Variants in P4HA1 observed in about 807,000 individuals in gnomAD.
P4HA1 encodes prolyl 4-hydroxylase subunit alpha 1.
A neutral mutation model predicts 72.8 loss-of-function variants in P4HA1; 24 were observed. That is an observed-to-expected ratio of 0.33 (90% CI 0.24 to 0.46). The LOEUF (loss-of-function observed/expected upper bound fraction) is 0.46. Among genes scored for constraint, P4HA1 ranks in the 20% least tolerant of loss-of-function variants. The pLI, the probability that P4HA1 is intolerant of heterozygous loss-of-function variation, is 1.00. For missense variants in P4HA1, 446 were observed against 640.6 expected, an observed-to-expected ratio of 0.70 and a Z score of 3.28; for synonymous variants, 201 against 218.8, an observed-to-expected ratio of 0.92 and a Z score of 0.72.
chr10:73,075,751 GTGTGTGTGTA>G (rs1841683921), intron 1 of P4HA1, among the ~76,000 whole-genome samples: 1 of 151,436 alleles, frequency 6.6e-6, no homozygotes, highest in Non-Finnish European at 1.5e-5. Flanking sequence ...TAGTGTGTGT[GTGTGTGTGTA>G]TGTGTGTATG....
intron 7 of P4HA1, among the ~76,000 whole-genome samples, chr10:73,050,220 A>G (rs1043579289): frequency 5.3e-5 from 8 of 151,946 alleles, no homozygotes; most frequent in South Asian, 2.1e-4. Flanking sequence ...TATAAAAAAA[A>G]CTATCACTTC....
chr10:73,029,993 GA>G (rs539529335), intron 10 of P4HA1, among the ~76,000 whole-genome samples: 1 of 151,960 alleles, frequency 6.6e-6, no homozygotes, highest in Non-Finnish European at 1.5e-5. Flanking sequence ...CTGGGGGATA[GA>G]AAAAAAATTA....
intron 10 of P4HA1, among the ~76,000 whole-genome samples, chr10:73,025,418 C>G (rs563641697): frequency 3.3e-5 from 5 of 152,128 alleles, no homozygotes; most frequent in Non-Finnish European, 5.9e-5. Context: ...ATTCAACAGC[C>G]CTTCATGCTG....
rs542735176 is a variant in P4HA1, at chr10:73,058,557, T to G, written c.464-4967A>C. ...TCTGGGGACTAACGGTGCAGAGATC[T>G]ACCTGTCTTGCTACTGCCCAAGACC... On this transcript the variant is annotated intron_variant, in intron 5 of 14. Transcript: ENST00000394890. 3.3e-5 allele frequency among the ~76,000 whole-genome samples: 5 copies of G among 152,330 alleles called. No homozygotes were observed. The East Asian group carries it at 9.6e-4, about 29-fold the overall frequency.
intron 5 of P4HA1, among the ~76,000 whole-genome samples, chr10:73,059,667 C>T (rs1414917200): frequency 3.3e-5 from 5 of 150,802 alleles, no homozygotes; most frequent in African/African-American, 4.9e-5. Flanking sequence ...GGCGTGAACC[C>T]GGGAGGCAGA....
intron 3 of P4HA1, 111 bp from the exon 4 acceptor site, chr10:73,072,291 T>C (rs1171506379): frequency 1.3e-6 from 1 of 781,998 alleles, no homozygotes; most frequent in Admixed American, 2.5e-5. Flanking sequence ...CAACTATATC[T>C]GTAGTTTCTT....
At chr10:73,092,317 C>CCATAT (rs1842047758) in intron 1 of P4HA1, among the ~76,000 whole-genome samples, 1 of 150,600 alleles carries the variant, frequency 6.6e-6, no homozygotes, top group Non-Finnish European at 1.5e-5. Context: ...AGTCTACTGG[C>CCATAT]CATATTGTAA....
intron 1 of P4HA1, among the ~76,000 whole-genome samples, chr10:73,093,006 C>T (rs1842068099): frequency 6.6e-6 from 1 of 151,694 alleles, no homozygotes; most frequent in Non-Finnish European, 1.5e-5. Flanking sequence ...GTACCCCGAG[C>T]TACACCCGGA....
chr10:73,026,236 T>C (rs181442839), intron 10 of P4HA1, among the ~76,000 whole-genome samples: 10 of 152,292 alleles, frequency 6.6e-5, no homozygotes, highest in African/African-American at 2.2e-4. Flanking sequence ...CAAAATAGCA[T>C]AGTACTGGTA....
At chr10:73,027,390 T>C (rs186786766) in intron 10 of P4HA1, among the ~76,000 whole-genome samples, 1,519 of 148,350 alleles carry the variant, frequency 0.01, 20 homozygotes, top group African/African-American at 0.034. Context: ...TAGGTGGAAA[T>C]TGAACAATGA....
At chr10:73,033,231 T>C (rs760049583) in intron 9 of P4HA1, among the ~76,000 whole-genome samples, 1 of 152,226 alleles carries the variant, frequency 6.6e-6, no homozygotes, top group Admixed American at 6.5e-5. Flanking sequence ...AGCATTCTAA[T>C]AAAGCTTCGA....
chr10:73,009,993 G>C (rs1839879781), intron 13 of P4HA1, 90 bp from the exon 14 acceptor site: 3 of 699,962 alleles, frequency 4.3e-6, no homozygotes, highest in Admixed American at 2.2e-5. Flanking sequence ...TTTTGAGACA[G>C]AGTCTTGCTC....
chr10:73,044,838 A>C, intron 9 of P4HA1, 143 bp downstream of exon 9: 1 of 522,104 alleles, frequency 1.9e-6, no homozygotes. Context: ...AAAGCAGTTT[A>C]TCCATGCGTT....
At chr10:73,018,666 T>C (rs575060865) in intron 10 of P4HA1, among the ~76,000 whole-genome samples, 2 of 151,894 alleles carry the variant, frequency 1.3e-5, no homozygotes, top group South Asian at 4.1e-4. Flanking sequence ...TCCCCAGGGA[T>C]AGGAGTTGCC....
intron 5 of P4HA1, among the ~76,000 whole-genome samples, chr10:73,060,383 C>T (rs953592222): frequency 2.0e-5 from 3 of 152,206 alleles, no homozygotes; most frequent in African/African-American, 4.8e-5. Flanking sequence ...CCTAGCTAGA[C>T]TCTGCTGCTT....
chr10:73,038,395 C>A (rs1256471231), intron 9 of P4HA1, among the ~76,000 whole-genome samples: 2 of 151,948 alleles, frequency 1.3e-5, no homozygotes, highest in African/African-American at 2.4e-5. Flanking sequence ...ACTTTCCCAC[C>A]AGAATCAAAA....
chr10:73,009,705 T>C (rs891782155), intron 14 of P4HA1, 102 bp downstream of exon 14: 4 of 627,224 alleles, frequency 6.4e-6, no homozygotes, highest in African/African-American at 3.6e-5. Flanking sequence ...GTTAAAATCA[T>C]ATTAAGCAAA....
intron 1 of P4HA1, among the ~76,000 whole-genome samples, chr10:73,095,730 G>T (rs1419429144): frequency 6.6e-6 from 1 of 152,122 alleles, no homozygotes; most frequent in Non-Finnish European, 1.5e-5. Context: ...CCTAAAAGAG[G>T]ATCTAGCTGC....
intron 11 of P4HA1, among the ~76,000 whole-genome samples, chr10:73,014,867 C>T (rs942346973): frequency 1.4e-5 from 2 of 146,850 alleles, no homozygotes; most frequent in Admixed American, 6.9e-5. Flanking sequence ...CTTGCCCTGT[C>T]GCCCAGGCTG....
Sources: allele counts gnomAD v4.1 joint callset (sites outside exome capture counted in the v4.1 genomes callset), GRCh38; gene constraint gnomAD v4.1.1; transcripts MANE v1.5; gene names NCBI Gene and HGNC (gene_info 2026-07-23, HGNC 2026-07-21).